MXRA8: variants seen among roughly 807,000 people sequenced by gnomAD.
MXRA8 encodes matrix remodeling-associated protein 8.
A neutral mutation model predicts 51.4 loss-of-function variants in MXRA8; 44 were observed. That is an observed-to-expected ratio of 0.86 (90% CI 0.67 to 1.10). MXRA8 has a LOEUF of 1.10. Among genes scored for constraint, MXRA8 ranks in the 50% least tolerant of loss-of-function variants. MXRA8 has a pLI of 0.00. For missense variants in MXRA8, 765 were observed against 638.9 expected, an observed-to-expected ratio of 1.20 and a Z score of -2.13; for synonymous variants, 369 against 293.5, an observed-to-expected ratio of 1.26 and a Z score of -2.63.
upstream of MXRA8, chr1:1,359,232 C>T (rs1399115387): frequency 6.1e-6 from 6 of 985,268 alleles, no homozygotes; most frequent in Non-Finnish European, 6.0e-6. Flanking sequence ...CTGCTGGCCC[C>T]GTCCCCTGGG....
intron 1 of MXRA8, among the ~76,000 whole-genome samples, chr1:1,357,315 C>T (rs1415566047): frequency 5.9e-5 from 9 of 152,296 alleles, no homozygotes; most frequent in African/African-American, 1.4e-4. Context: ...GGCTGCCACC[C>T]GGGACAGTTT....
chr1:1,354,597 G>C, intron 5 of MXRA8, 85 bp downstream of exon 5: 1 of 1,555,110 alleles, frequency 6.4e-7, no homozygotes, highest in Non-Finnish European at 8.7e-7. Flanking sequence ...GGATCCGCGG[G>C]CCTCGGGCAA....
intron 8 of MXRA8, 42 bp from the exon 9 acceptor site, chr1:1,353,970 C>T (rs553914952): frequency 1.9e-6 from 3 of 1,573,840 alleles, no homozygotes; most frequent in Admixed American, 1.8e-5. Context: ...TCCCAGGATG[C>T]ACTTCCCAGC....
chr1:1,355,412 T>G, intron 3 of MXRA8, 38 bp downstream of exon 3: 1 of 1,492,270 alleles, frequency 6.7e-7, no homozygotes, highest in Non-Finnish European at 8.9e-7. Context: ...CCCGGACCCC[T>G]GCCCCGACCC....
upstream of MXRA8, among the ~76,000 whole-genome samples, chr1:1,360,694 G>A (rs1439304074): frequency 1.3e-5 from 2 of 152,174 alleles, no homozygotes. Context: ...AGCAAGAGGG[G>A]TCAGCTGGCC....
In MXRA8 at chr1:1,357,481, G is replaced by A. The variant is rs377354244; in HGVS notation, c.50-777C>T. On this transcript the variant is annotated intron_variant, in intron 1 of 9. Coordinates refer to ENST00000309212, the MANE Select transcript of MXRA8 (RefSeq NM_032348.4). The stretch of plus-strand genomic sequence containing the variant: ...CCCCCCACAGTCAGCGTGGCCCCAC[G>A]GGGCTCGTGCCGCTTGCCTTAAACC... Among the ~76,000 whole-genome samples, 9 of 152,046 alleles carry A rather than the reference G, an allele frequency of 5.9e-5. No homozygotes were observed. In the East Asian group the frequency reaches 1.6e-3, roughly 26 times the overall value.
chr1:1,362,577 C>T (rs1282199221), upstream of MXRA8, among the ~76,000 whole-genome samples: 1 of 151,594 alleles, frequency 6.6e-6, no homozygotes, highest in African/African-American at 2.4e-5. Flanking sequence ...GTCAGGAGTT[C>T]AAGACCATCC....
At chr1:1,353,718 C>T in intron 9 of MXRA8, 89 bp from the exon 10 acceptor site, 1 of 1,478,726 alleles carries the variant, frequency 6.8e-7, no homozygotes, top group Non-Finnish European at 9.2e-7. Context: ...GCAGGACTCC[C>T]CAGGGATTTC....
In MXRA8 at chr1:1,354,106, C is replaced by T. The variant is rs1366654237; in HGVS notation, c.1146G>A (p.Gly382=). 12 of 1,612,836 alleles carry T rather than the reference C, an allele frequency of 7.4e-6. 1 individual carries two copies. In the South Asian group the frequency reaches 9.9e-5, roughly 13 times the overall value. The part of the protein sequence containing the change: ...YSDQKSGKSK[G]KDVNLAEFAV... ...CGAACTCCGCCAAGTTAACATCCTT[C>T]CTGGATGGCGAGGGTGGGAGGAGGT... The change falls in exon 8 of 10, where the codon GGG becomes GGA. Residue 382 remains glycine (G), a splice_region_variant and synonymous_variant. Coordinates refer to ENST00000309212, the MANE Select transcript of MXRA8 (RefSeq NM_032348.4).
chr1:1,354,582 C>G, intron 5 of MXRA8, 73 bp from the exon 6 acceptor site: 2 of 1,563,392 alleles, frequency 1.3e-6, no homozygotes, highest in South Asian at 2.4e-5. Flanking sequence ...CCACGGCCCC[C>G]GCTGGGATCC....
upstream of MXRA8, chr1:1,359,322 G>A: frequency 1.0e-6 from 1 of 985,402 alleles, no homozygotes; most frequent in Non-Finnish European, 1.2e-6. Flanking sequence ...AGGGGAGAGT[G>A]GGACCCCTGC....
upstream of MXRA8, chr1:1,359,031 C>T (rs183005773): frequency 0.024 from 23,352 of 985,472 alleles, 316 homozygotes; most frequent in Non-Finnish European, 0.027. Flanking sequence ...CCAGATGGCC[C>T]TTCCAGCTCC....
chr1:1,354,620 G>A (rs1054314531), intron 5 of MXRA8, 62 bp downstream of exon 5: 6 of 1,542,456 alleles, frequency 3.9e-6, no homozygotes, highest in Non-Finnish European at 5.2e-6. Context: ...GACAGCGGGC[G>A]CAGAGCAACC....
chr1:1,356,500 G>A (rs1644136078), intron 2 of MXRA8, among the ~76,000 whole-genome samples, 181 bp downstream of exon 2: 1 of 148,372 alleles, frequency 6.7e-6, no homozygotes, highest in Admixed American at 6.6e-5. Flanking sequence ...CCCTGGTAGG[G>A]GAAGAGGAGT....
At position 1,354,274 on chromosome 1, in the gene MXRA8, G is replaced by A. The variant is rs307382; in HGVS notation, c.1106-42C>T. ...CATTGGGGGCAGTGCCGCCCCTTCC[G>A]CAGGTCCCCCAGCCCAGAGGACCAC... On this transcript the variant is annotated intron_variant, in intron 6 of 9. Transcript: ENST00000309212. The A allele has an allele frequency of 4.4e-4, 708 of 1,604,984 alleles. 7 individuals are homozygous for A. In the African/African-American group the frequency reaches 7.8e-3, roughly 18 times the overall value.
upstream of MXRA8, among the ~76,000 whole-genome samples, chr1:1,363,071 G>C (rs2100830745): frequency 6.8e-6 from 1 of 146,014 alleles, no homozygotes; most frequent in South Asian, 2.1e-4. Context: ...GATAGGGCGA[G>C]ACTCCGTCTC....
rs769076496 is a variant in MXRA8 at position 1,354,779 on chromosome 1, G to C, written c.852C>G (p.Arg284=). The part of the protein sequence containing the change: ...LHHHYCGLHE[R]RVFHLTVAEP... The stretch of plus-strand genomic sequence containing the variant: ...CGGCGACCGTCAGGTGGAAGACGCG[G>C]CGTTCGTGCAGGCCACAGTAATGGT... Residue 284 remains arginine (R), a synonymous_variant, in exon 5 of 10, where the codon CGC becomes CGG. Coordinates refer to ENST00000309212, the MANE Select transcript of MXRA8 (RefSeq NM_032348.4). The C allele has an allele frequency of 6.2e-7, 1 of 1,612,056 alleles. No individual in the cohort carries two copies. The highest frequency in any genetic ancestry group is 1.7e-5 in the Admixed American group (1 of 59,984).
At chr1:1,358,945 T>C, upstream of MXRA8, 1 of 985,408 alleles carries the variant, frequency 1.0e-6, no homozygotes, top group Non-Finnish European at 1.2e-6. Context: ...CCCCTCAGTC[T>C]GCTCCAGGCC....
At chr1:1,363,261 C>T (rs977303945), upstream of MXRA8, among the ~76,000 whole-genome samples, 37 of 151,886 alleles carry the variant, frequency 2.4e-4, no homozygotes, top group African/African-American at 8.2e-4. Flanking sequence ...CCAGCCTGGG[C>T]GACAGAGTGA....
Sources: gnomAD v4.1 joint callset for allele counts (sites outside exome capture counted in the v4.1 genomes callset) on GRCh38, gnomAD v4.1.1 for gene constraint, MANE v1.5 for transcripts, NCBI Gene and HGNC (gene_info 2026-07-23, HGNC 2026-07-21) for gene names.